Variants in XKR9 observed in about 807,000 individuals in gnomAD.
XKR9 encodes the protein XK-related protein 9.
A neutral mutation model predicts 32.0 loss-of-function variants in XKR9; 32 were observed. The ratio of observed to expected loss-of-function variants is 1.00; its 90% confidence interval spans 0.76 to 1.34. The LOEUF is 1.34. Among genes scored for constraint, XKR9 ranks in the 40% most tolerant of loss-of-function variants. XKR9 has a pLI of 0.00. For missense variants in XKR9, 546 were observed against 429.7 expected (o/e 1.27, Z -2.39); for synonymous variants, 168 against 143.4 (o/e 1.17, Z -1.22).
At chr8:70,954,564 A>C in the XKR9 span, among the ~76,000 whole-genome samples, 1 of 152,184 alleles carries the variant, frequency 6.6e-6, no homozygotes. Flanking sequence ...TATTTTAATA[A>C]TTTGTAAAGT....
At chr8:71,039,675 G>T in the XKR9 span, among the ~76,000 whole-genome samples, 27 of 152,198 alleles carry the variant, frequency 1.8e-4, no homozygotes, top group Middle Eastern at 6.8e-3. Flanking sequence ...TGTTGCCAAA[G>T]AACTGCTTGC....
the XKR9 span, among the ~76,000 whole-genome samples, chr8:70,934,011 A>G: frequency 6.6e-6 from 1 of 151,914 alleles, no homozygotes; most frequent in Non-Finnish European, 1.5e-5. Flanking sequence ...AGGCCACATA[A>G]GTAGTGTTAT....
At chr8:70,853,867 TTA>T in the XKR9 span, among the ~76,000 whole-genome samples, 1 of 152,240 alleles carries the variant, frequency 6.6e-6, no homozygotes, top group Non-Finnish European at 1.5e-5. Flanking sequence ...TAATCCTTTT[TTA>T]TGGCTGCATA....
intron 4 of XKR9, among the ~76,000 whole-genome samples, chr8:70,732,316 C>A (rs1806697265): frequency 6.6e-6 from 1 of 152,236 alleles, no homozygotes; most frequent in South Asian, 2.1e-4. Context: ...GCTACAGATA[C>A]CCTGTGAGGG....
chr8:70,796,312 C>T, the XKR9 span, among the ~76,000 whole-genome samples: 9 of 152,020 alleles, frequency 5.9e-5, no homozygotes, highest in Non-Finnish European at 2.9e-5. Flanking sequence ...TTGGTAATGT[C>T]TTCCTTTCTG....
intron 4 of XKR9, among the ~76,000 whole-genome samples, chr8:70,710,522 G>A (rs1805877055): frequency 6.6e-6 from 1 of 152,068 alleles, no homozygotes; most frequent in African/African-American, 2.4e-5. Flanking sequence ...CCAACATGGT[G>A]AAACCCCATC....
At chr8:70,895,547 A>G in the XKR9 span, among the ~76,000 whole-genome samples, 2 of 152,202 alleles carry the variant, frequency 1.3e-5, no homozygotes, top group African/African-American at 4.8e-5. Context: ...TTGAATGTAT[A>G]GATGAATTTT....
the XKR9 span, among the ~76,000 whole-genome samples, chr8:70,880,833 A>G: frequency 1.3e-5 from 2 of 152,224 alleles, no homozygotes; most frequent in South Asian, 2.1e-4. Context: ...AAGCAAAAAG[A>G]ACAAAGCTGG....
At chr8:70,690,383 G>C (rs1241679136) in intron 3 of XKR9, among the ~76,000 whole-genome samples, 1 of 152,028 alleles carries the variant, frequency 6.6e-6, no homozygotes, top group African/African-American at 2.4e-5. Context: ...AGGCTGGAGT[G>C]CAATGGCATG....
the XKR9 span, among the ~76,000 whole-genome samples, chr8:70,854,606 G>T: frequency 2.0e-5 from 3 of 152,132 alleles, no homozygotes; most frequent in Non-Finnish European, 4.4e-5. Flanking sequence ...CCATGCCTAT[G>T]TCCTGAATGG....
rs1347742775 is a variant in XKR9, at chr8:70,671,342, T to TGTGTGTATATATCACATTTTC, written c.-361+1804_-361+1805insGTGTGTATATATCACATTTTC. Among the ~76,000 whole-genome samples, 198 of 56,132 alleles carry TGTGTGTATATATCACATTTTC rather than the reference T, an allele frequency of 3.5e-3. 9 individuals are homozygous for TGTGTGTATATATCACATTTTC. The highest frequency in any genetic ancestry group is 6.7e-3 in the Non-Finnish European group (105 of 15,722). The allele number at this position is 56,132 out of a possible 152,430, so 36.8% of individuals were successfully genotyped here. ...TGACATGATCTCATTTTTTTTTTTTTTTTATTATACTCTAAGTTTTAGGGT... is the reference window on the plus strand; with the variant it reads ...TGACATGATCTCATTTTTTTTTTTTTGTGTGTATATATCACATTTTCTTTATTATACTCTAAGTTTTAGGGT... On this transcript the variant is annotated intron_variant, in intron 1 of 4. Transcript: ENST00000408926.
At chr8:71,001,704 G>C in the XKR9 span, among the ~76,000 whole-genome samples, 1 of 152,164 alleles carries the variant, frequency 6.6e-6, no homozygotes, top group African/African-American at 2.4e-5. Flanking sequence ...CACTGAATAA[G>C]GTAATGGTGG....
At chr8:70,813,463 C>G in the XKR9 span, among the ~76,000 whole-genome samples, 1 of 152,142 alleles carries the variant, frequency 6.6e-6, no homozygotes. Flanking sequence ...AACTAAAGAG[C>G]TTCTGCACAG....
At position 70,715,833 on chromosome 8, in the gene XKR9, G is replaced by T. The variant is rs143361849; in HGVS notation, c.493+8680G>T. 6.1e-3 allele frequency among the ~76,000 whole-genome samples: 926 copies of T among 151,522 alleles called. 5 individuals are homozygous for T. The highest frequency in any genetic ancestry group is 7.1e-3 in the African/African-American group (294 of 41,400). On this transcript the variant is annotated intron_variant, in intron 4 of 4. Transcript: ENST00000408926. The stretch of plus-strand genomic sequence containing the variant: ...GTTTCAATGGAAAACATTTTTTTTT[G>T]ATTTTGAATTCTCTTTCAAGCAAAA...
intron 2 of XKR9, among the ~76,000 whole-genome samples, chr8:70,756,526 T>C (rs1807228731): frequency 6.6e-6 from 1 of 152,232 alleles, no homozygotes; most frequent in South Asian, 2.1e-4. Flanking sequence ...TATTTAGATG[T>C]TTTGTTTCTT....
At chr8:71,013,469 T>C in the XKR9 span, among the ~76,000 whole-genome samples, 1 of 152,144 alleles carries the variant, frequency 6.6e-6, no homozygotes, top group East Asian at 1.9e-4. Context: ...GTGGGGAAGA[T>C]GCTGGGATTG....
chr8:70,853,892 GTA>G, the XKR9 span, among the ~76,000 whole-genome samples: 1 of 152,072 alleles, frequency 6.6e-6, no homozygotes, highest in Non-Finnish European at 1.5e-5. Context: ...ATTCCATGGT[GTA>G]TATGTGCCAC....
Position 70,769,476 on chromosome 8 carries a change from G to A in XKR9, n.353-19863G>A, listed in dbSNP as rs570870996. ...TTCCCTGTATTTCCTGAATTTGAAT[G>A]TTGGCCTGGCTTGCTAGATTGGGGA... On this transcript the variant is annotated intron_variant and non_coding_transcript_variant, in intron 2 of 3. Transcript: ENST00000520273. Among the ~76,000 whole-genome samples the A allele has an allele frequency of 8.5e-5, 13 of 152,096 alleles. No individual in the cohort carries two copies. In the South Asian group the frequency reaches 2.7e-3, roughly 32 times the overall value.
chr8:70,891,861 TC>T, the XKR9 span, among the ~76,000 whole-genome samples: 2 of 152,040 alleles, frequency 1.3e-5, no homozygotes, highest in Non-Finnish European at 2.9e-5. Flanking sequence ...GATGTTGAAG[TC>T]CCCAAGCTAT....
Sources: gnomAD v4.1 joint callset for allele counts (sites outside exome capture counted in the v4.1 genomes callset) on GRCh38, gnomAD v4.1.1 for gene constraint, MANE v1.5 for transcripts, NCBI Gene and HGNC (gene_info 2026-07-23, HGNC 2026-07-21) for gene names.